The following LGALS9 variants were observed in gnomAD, a reference collection of about 807,000 sequenced individuals.
LGALS9 encodes galectin 9, also known as galectin-9.
In LGALS9, 26 loss-of-function variants were observed where a neutral mutation model predicts 35.9. The ratio of observed to expected loss-of-function variants is 0.72; its 90% CI spans 0.53 to 1.01. LGALS9 has a LOEUF of 1.01. Among genes scored for constraint, LGALS9 ranks in the 50% least tolerant of loss-of-function variants. The pLI, the probability that LGALS9 is intolerant of heterozygous loss-of-function variation, is 0.00. For missense variants in LGALS9, 347 were observed against 445.8 expected, an observed-to-expected ratio of 0.78 and a Z score of 1.99; for synonymous variants, 149 against 172.2, an observed-to-expected ratio of 0.87 and a Z score of 1.06.
intron 2 of LGALS9, among the ~76,000 whole-genome samples, chr17:27,639,193 C>T (rs2074488414): frequency 1.3e-5 from 2 of 152,214 alleles, no homozygotes; most frequent in South Asian, 2.1e-4. Flanking sequence ...TGACCTCCTC[C>T]GCCATTGCCA....
chr17:27,631,355 C>T lies in LGALS9; in HGVS notation c.39+51C>T, dbSNP rs542526229. 3.6e-5 allele frequency: 58 copies of T among 1,612,800 alleles called. 1 individual carries two copies. The Admixed American group carries it at 5.8e-4, about 16-fold the overall frequency. On this transcript the variant is annotated intron_variant, in intron 1 of 10. Transcript: ENST00000395473. ...GGCTGCCTCAGCCAGAGGGACACAGCTCTGGGGCTCTGAGGAAGCAACTCC... is the reference window on the plus strand; with the variant it reads ...GGCTGCCTCAGCCAGAGGGACACAGTTCTGGGGCTCTGAGGAAGCAACTCC...
intron 3 of LGALS9, among the ~76,000 whole-genome samples, 162 bp from the exon 4 acceptor site, chr17:27,642,076 C>T (rs1458053995): frequency 2.6e-5 from 4 of 152,122 alleles, no homozygotes; most frequent in Non-Finnish European, 4.4e-5. Flanking sequence ...GGTAGAGACT[C>T]GGGTTGATGC....
At chr17:27,642,382 C>A in intron 4 of LGALS9, 34 bp downstream of exon 4, 1 of 1,611,460 alleles carries the variant, frequency 6.2e-7, no homozygotes. Context: ...GTCCCAGGGG[C>A]TGGGATGCAG....
chr17:27,633,843 G>C (rs956687938), intron 1 of LGALS9, among the ~76,000 whole-genome samples: 1 of 152,210 alleles, frequency 6.6e-6, no homozygotes, highest in African/African-American at 2.4e-5. Flanking sequence ...ACTGTCGGGT[G>C]GTGTTACTGT....
At chr17:27,631,716 T>A (rs965974541) in intron 1 of LGALS9, among the ~76,000 whole-genome samples, 80 of 152,198 alleles carry the variant, frequency 5.3e-4, no homozygotes, top group African/African-American at 1.9e-3. Flanking sequence ...TGGCTGGTGG[T>A]CTCTGGGCCT....
At chr17:27,640,803 C>T (rs1331986378) in intron 3 of LGALS9, 30 bp downstream of exon 3, 1 of 1,612,166 alleles carries the variant, frequency 6.2e-7, no homozygotes, top group Admixed American at 1.7e-5. Flanking sequence ...CCACCTCTCA[C>T]CCCTGGGACC....
At position 27,635,851 on chromosome 17, in the gene LGALS9, G is replaced by A. The variant is rs910965040; in HGVS notation, c.40-2412G>A. 2.0e-5 allele frequency among the ~76,000 whole-genome samples: 3 copies of A among 152,220 alleles called. No homozygotes were observed. The South Asian group carries it at 6.2e-4, about 31-fold the overall frequency. On this transcript the variant is annotated intron_variant, in intron 1 of 10. Transcript: ENST00000395473. Reference sequence around the variant, plus strand: ...AAAAATGTTCCACAGACATGTTTCAGGGAAAACAGGCTTCCCAATCCTAGG... The same window carrying A: ...AAAAATGTTCCACAGACATGTTTCAAGGAAAACAGGCTTCCCAATCCTAGG...
intron 3 of LGALS9, among the ~76,000 whole-genome samples, chr17:27,641,549 G>C (rs1368494824): frequency 6.6e-6 from 1 of 152,158 alleles, no homozygotes; most frequent in Non-Finnish European, 1.5e-5. Flanking sequence ...GAGAGCATCA[G>C]GAAGATTAGC....
intron 1 of LGALS9, among the ~76,000 whole-genome samples, chr17:27,636,760 A>C (rs1340523969): frequency 6.6e-6 from 1 of 152,154 alleles, no homozygotes; most frequent in African/African-American, 2.4e-5. Context: ...GATGTGAGCC[A>C]CTGTGCCCAG....
Position 27,647,311 on chromosome 17 carries a change from AC to A in LGALS9, c.802del (p.Leu268Ter). 1 of 1,614,080 alleles carries A rather than the reference AC, an allele frequency of 6.2e-7. No individual in the cohort carries two copies. Among genetic ancestry groups the A allele is most frequent in the East Asian group, 2.2e-5 (1 of 44,872 alleles). ...NLCSGNHIAF[H>X]LNPRFDENAV... ...TGCTCTGGGAACCACATCGCCTTCC[AC>A]CTGAACCCCCGTTTTGATGAGAATG... On this transcript the variant is annotated frameshift_variant, in exon 10 of 11. Coordinates refer to ENST00000395473, the MANE Select transcript of LGALS9 (RefSeq NM_009587.3). LOFTEE classifies it high-confidence loss of function.
chr17:27,636,112 G>A (rs1273593025), intron 1 of LGALS9, among the ~76,000 whole-genome samples: 4 of 143,962 alleles, frequency 2.8e-5, no homozygotes, highest in Non-Finnish European at 6.2e-5. Flanking sequence ...GGCTCTCACG[G>A]TGCCAGGTGT....
In LGALS9 at chr17:27,647,045, A is replaced by G. The variant is rs1242001113; in HGVS notation, c.685A>G (p.Thr229Ala). 3 of 1,613,744 alleles carry G rather than the reference A, an allele frequency of 1.9e-6. No individual in the cohort carries two copies. The highest frequency in any genetic ancestry group is 2.7e-5 in the African/African-American group (2 of 74,820). Residue 229 changes from threonine (T) to alanine (A), a missense_variant, in exon 9 of 11, where the codon ACC (threonine) becomes GCC (alanine). Thr to Ala is a moderately conservative substitution (Grantham distance 58, BLOSUM62 0). Coordinates refer to ENST00000395473, the MANE Select transcript of LGALS9 (RefSeq NM_009587.3). ...CTTCCGACAGCCGATGCCTTTCATC[A>G]CCACCATTCTGGGAGGGCTGTACCC... is the stretch of plus-strand genomic sequence containing the variant. ...PHPAYPMPFI[T>A]TILGGLYPSK...
At chr17:27,645,074 C>A in intron 5 of LGALS9, 1 of 671,668 alleles carries the variant, frequency 1.5e-6, no homozygotes, top group South Asian at 2.0e-5. Context: ...AACCCAGTCT[C>A]CTCTCTCTCG....
chr17:27,632,220 G>A (rs1387387409), intron 1 of LGALS9, among the ~76,000 whole-genome samples: 2 of 151,548 alleles, frequency 1.3e-5, no homozygotes, highest in African/African-American at 4.9e-5. Flanking sequence ...AGAGCTTCCC[G>A]AGGGGCTGGA....
rs1191620751 is a variant in LGALS9 at position 27,647,048 on chromosome 17, A to C, written c.688A>C (p.Thr230Pro). The change falls in exon 9 of 11, where the codon ACC (threonine) becomes CCC (proline). Residue 230 changes from threonine (T) to proline (P), a missense_variant. Coordinates refer to ENST00000395473, the MANE Select transcript of LGALS9 (RefSeq NM_009587.3). ...CCGACAGCCGATGCCTTTCATCACC[A>C]CCATTCTGGGAGGGCTGTACCCATC... ...HPAYPMPFIT[T>P]ILGGLYPSKS... 1.2e-6 allele frequency: 2 copies of C among 1,613,696 alleles called. No individual in the cohort carries two copies. Among genetic ancestry groups the C allele is most frequent in the East Asian group, 4.5e-5 (2 of 44,880 alleles).
chr17:27,635,202 G>A (rs1333338289), intron 1 of LGALS9, among the ~76,000 whole-genome samples: 2 of 152,132 alleles, frequency 1.3e-5, no homozygotes, highest in Non-Finnish European at 2.9e-5. Flanking sequence ...TGAAATCTTG[G>A]CCCTTTGGGA....
chr17:27,636,045 C>T (rs8081704), intron 1 of LGALS9, among the ~76,000 whole-genome samples: 109 of 152,282 alleles, frequency 7.2e-4, no homozygotes, highest in African/African-American at 2.6e-3. Flanking sequence ...ACAAAAGACA[C>T]CCCCCTCAAA....
chr17:27,649,004 C>G lies in LGALS9; in HGVS notation c.*22C>G. ...ATAGGCGGCTTCCTGGCCCTGGGGC[C>G]GGGGGCTGGGGTGTGGGGCAGTCTG... On this transcript the variant is annotated 3_prime_UTR_variant, in exon 11 of 11. Transcript: ENST00000395473. 1 of 1,613,766 alleles carries G rather than the reference C, an allele frequency of 6.2e-7. No individual in the cohort carries two copies. Among genetic ancestry groups the G allele is most frequent in the Non-Finnish European group, 8.5e-7 (1 of 1,179,760 alleles).
At chr17:27,640,495 A>T in intron 2 of LGALS9, 77 bp from the exon 3 acceptor site, 3 of 1,594,588 alleles carry the variant, frequency 1.9e-6, no homozygotes, top group South Asian at 2.2e-5. Context: ...TGCAAAGCAC[A>T]GGCGCCGAGG....
Sources: gnomAD v4.1 joint callset for allele counts (sites outside exome capture counted in the v4.1 genomes callset) on GRCh38, gnomAD v4.1.1 for gene constraint, MANE v1.5 for transcripts, NCBI Gene and HGNC (gene_info 2026-07-23, HGNC 2026-07-21) for gene names.